NLGN1: variants seen among roughly 807,000 people sequenced by gnomAD.
NLGN1 encodes neuroligin-1.
Under a neutral mutation model 65.5 loss-of-function variants are expected in NLGN1, and 12 were observed. The observed-to-expected ratio is 0.18, with a 90% CI of 0.12 to 0.30. The LOEUF (loss-of-function observed/expected upper bound fraction) is 0.30, where lower values mean the gene tolerates loss of function less well. NLGN1 is among the 10% of genes least tolerant of loss of function. The pLI is 1.00. For missense variants in NLGN1, 750 were observed against 1,007.1 expected, an observed-to-expected ratio of 0.74 and a Z score of 3.46; for synonymous variants, 350 against 359.5, an observed-to-expected ratio of 0.97 and a Z score of 0.30.
exon 7 of NLGN1, chr3:174,281,313 A>G (rs917717165): frequency 3.2e-6 from 5 of 1,567,068 alleles, no homozygotes; most frequent in Non-Finnish European, 4.4e-6. Context: ...GCCAGATAAG[A>G]GAAACAAACT....
intron 4 of NLGN1, among the ~76,000 whole-genome samples, chr3:174,001,849 A>T (rs1723350732): frequency 6.6e-6 from 1 of 152,058 alleles, no homozygotes; most frequent in Non-Finnish European, 1.5e-5. Flanking sequence ...CAATTTCTGG[A>T]GATGGTTCAT....
intron 4 of NLGN1, among the ~76,000 whole-genome samples, chr3:174,078,141 A>G (rs2152544539): frequency 6.6e-6 from 1 of 152,316 alleles, no homozygotes; most frequent in Admixed American, 6.5e-5. Flanking sequence ...TATTTTTAGA[A>G]AAAAAACACT....
intron 1 of NLGN1, among the ~76,000 whole-genome samples, chr3:173,419,516 GGCA>G (rs1461139053): frequency 1.3e-5 from 2 of 152,036 alleles, no homozygotes; most frequent in African/African-American, 4.8e-5. Flanking sequence ...TTTGGATTTA[GGCA>G]GTTTTTGATT....
At chr3:173,839,110 A>G (rs1412466950) in intron 4 of NLGN1, among the ~76,000 whole-genome samples, 3 of 46,184 alleles carry the variant, frequency 6.5e-5, no homozygotes, top group Non-Finnish European at 1.5e-4. Flanking sequence ...TTTTTTTTTT[A>G]CAGATTAGGA....
chr3:173,855,726 C>T (rs1560501565), intron 4 of NLGN1, among the ~76,000 whole-genome samples: 1 of 152,132 alleles, frequency 6.6e-6, no homozygotes, highest in Non-Finnish European at 1.5e-5. Context: ...AGTTCTGTAA[C>T]TAATTTTGAC....
chr3:173,418,820 A>T (rs1437116681), intron 1 of NLGN1, among the ~76,000 whole-genome samples: 1 of 151,982 alleles, frequency 6.6e-6, no homozygotes, highest in Non-Finnish European at 1.5e-5. Context: ...TTACAATTAC[A>T]TGTTTTTCAT....
chr3:174,178,535 T>C (rs1204488152), intron 4 of NLGN1, among the ~76,000 whole-genome samples: 1 of 152,124 alleles, frequency 6.6e-6, no homozygotes, highest in Non-Finnish European at 1.5e-5. Context: ...AAGATGAGTA[T>C]TTCACTGCCT....
At chr3:174,155,751 G>T (rs889141509) in intron 4 of NLGN1, among the ~76,000 whole-genome samples, 4 of 151,904 alleles carry the variant, frequency 2.6e-5, no homozygotes, top group Non-Finnish European at 5.9e-5. Flanking sequence ...GAAATGAGTA[G>T]GGAAATAAGG....
At chr3:173,620,785 G>C (rs1200841860) in intron 3 of NLGN1, among the ~76,000 whole-genome samples, 2 of 152,050 alleles carry the variant, frequency 1.3e-5, no homozygotes, top group Non-Finnish European at 2.9e-5. Context: ...TAACTCTGCA[G>C]CTTACCCACG....
intron 4 of NLGN1, among the ~76,000 whole-genome samples, chr3:174,034,817 G>A (rs1471578228): frequency 6.6e-6 from 1 of 152,048 alleles, no homozygotes; most frequent in Non-Finnish European, 1.5e-5. Flanking sequence ...TTACAAATTA[G>A]GTAGATATTA....
At chr3:173,815,302 CTT>C (rs1194403836) in intron 4 of NLGN1, among the ~76,000 whole-genome samples, 2 of 151,724 alleles carry the variant, frequency 1.3e-5, no homozygotes, top group African/African-American at 4.8e-5. Context: ...AGAGATGGGG[CTT>C]CACCGTGTTA....
At chr3:173,789,771 C>A in intron 3 of NLGN1, 1 of 456,038 alleles carries the variant, frequency 2.2e-6, no homozygotes, top group Non-Finnish European at 4.4e-6. Context: ...CACACTCCGC[C>A]CATCCTTCCT....
Position 174,064,218 on chromosome 3 carries a change from T to C in NLGN1, c.647-211097T>C, listed in dbSNP as rs111265131. ...ACAAGGGAAGATACCAGGAAAAGCATATAGAAAGCTTCATGAAGACAACAC... is the reference window on the plus strand; with the variant it reads ...ACAAGGGAAGATACCAGGAAAAGCACATAGAAAGCTTCATGAAGACAACAC... On this transcript the variant is annotated intron_variant, in intron 4 of 6. Coordinates refer to ENST00000457714, the Ensembl canonical transcript of NLGN1. 4.6e-5 allele frequency among the ~76,000 whole-genome samples: 7 copies of C among 152,058 alleles called. No homozygotes were observed. The East Asian group carries it at 1.4e-3, about 29-fold the overall frequency.
chr3:174,121,407 G>C (rs781664199), intron 4 of NLGN1, among the ~76,000 whole-genome samples: 1 of 152,176 alleles, frequency 6.6e-6, no homozygotes, highest in Non-Finnish European at 1.5e-5. Flanking sequence ...CCTGTGCTTT[G>C]TGTAAAAATG....
At chr3:174,258,170 A>G (rs892260706) in intron 4 of NLGN1, among the ~76,000 whole-genome samples, 1 of 152,104 alleles carries the variant, frequency 6.6e-6, no homozygotes, top group African/African-American at 2.4e-5. Context: ...TAATGGGTAC[A>G]TGTCAAAATG....
chr3:173,978,317 G>A (rs1163439268), intron 4 of NLGN1, among the ~76,000 whole-genome samples: 1 of 152,058 alleles, frequency 6.6e-6, no homozygotes, highest in East Asian at 1.9e-4. Flanking sequence ...ATATATTGGT[G>A]TAACCACTAA....
intron 3 of NLGN1, among the ~76,000 whole-genome samples, chr3:173,767,311 A>G (rs1778919247): frequency 1.3e-5 from 2 of 152,090 alleles, no homozygotes; most frequent in South Asian, 4.1e-4. Flanking sequence ...TCTAACACGT[A>G]TTTGACACAA....
At chr3:174,245,603 A>C (rs905837473) in intron 4 of NLGN1, among the ~76,000 whole-genome samples, 4 of 152,196 alleles carry the variant, frequency 2.6e-5, no homozygotes, top group Admixed American at 1.3e-4. Flanking sequence ...CCAAATAGAT[A>C]CATGTAAAAT....
chr3:173,969,584 T>C (rs1715725059), intron 4 of NLGN1, among the ~76,000 whole-genome samples: 1 of 152,084 alleles, frequency 6.6e-6, no homozygotes, highest in African/African-American at 2.4e-5. Flanking sequence ...GAGAAGTCTA[T>C]CTCAAATATC....
Sources: allele counts gnomAD v4.1 joint callset (sites outside exome capture counted in the v4.1 genomes callset), GRCh38; gene constraint gnomAD v4.1.1; transcripts MANE v1.5; gene names NCBI Gene and HGNC (gene_info 2026-07-23, HGNC 2026-07-21).